ELAVL4: variants seen among roughly 807,000 people sequenced by gnomAD.
ELAVL4 encodes ELAV-like protein 4.
Under a neutral mutation model 35.6 loss-of-function variants are expected in ELAVL4, and 1 was observed. The observed-to-expected ratio is 0.03, with a 90% CI of 0.01 to 0.13. The LOEUF is 0.13. Among genes scored for constraint, ELAVL4 ranks in the 10% least tolerant of loss-of-function variants. The pLI is 1.00. For missense variants in ELAVL4, 267 were observed against 464.9 expected (o/e 0.57, Z 3.91); for synonymous variants, 156 against 171.0 (o/e 0.91, Z 0.69).
chr1:50,157,820 T>C (rs1459491845), intron 2 of ELAVL4, among the ~76,000 whole-genome samples: 2 of 152,194 alleles, frequency 1.3e-5, no homozygotes, highest in Non-Finnish European at 2.9e-5. Context: ...GGTGTCCACA[T>C]GTTGCCCATT....
chr1:50,084,607 C>T (rs575217479), intron 1 of ELAVL4, among the ~76,000 whole-genome samples: 18 of 152,276 alleles, frequency 1.2e-4, no homozygotes, highest in African/African-American at 4.3e-4. Context: ...TTGTATGCCA[C>T]ACTCCAGTCA....
In ELAVL4 at chr1:50,165,470, ACACT is replaced by A. The variant is rs1235780105; in HGVS notation, c.251-11615_251-11612del. ...TATAGATATAGATACACACACACAC[ACACT>A]CACATATATATGTGTGTGTATACAT... On this transcript the variant is annotated intron_variant, in intron 2 of 6. Transcript: ENST00000371824. Among the ~76,000 whole-genome samples, 5 of 150,758 alleles carry A rather than the reference ACACT, an allele frequency of 3.3e-5. No individual in the cohort carries two copies. In the South Asian group the frequency reaches 6.2e-4, roughly 19 times the overall value.
upstream of ELAVL4, chr1:50,106,268 C>T (rs760325006): frequency 5.0e-6 from 8 of 1,590,044 alleles, 1 homozygote; most frequent in South Asian, 5.7e-5. Context: ...AGCTGGCTGC[C>T]GGCGACTGAT....
chr1:50,143,415 G>C (rs952201275), intron 1 of ELAVL4, among the ~76,000 whole-genome samples: 5 of 152,176 alleles, frequency 3.3e-5, no homozygotes, highest in Non-Finnish European at 7.3e-5. Context: ...CTTGTGAGGA[G>C]ACAGTGAGAG....
chr1:50,110,787 G>C (rs1666937482), intron 1 of ELAVL4, among the ~76,000 whole-genome samples: 1 of 152,122 alleles, frequency 6.6e-6, no homozygotes, highest in South Asian at 2.1e-4. Flanking sequence ...ATTCTTAGAG[G>C]ATTGCCTTTG....
At chr1:50,058,791 A>G (rs1663814948) in intron 1 of ELAVL4, among the ~76,000 whole-genome samples, 1 of 151,580 alleles carries the variant, frequency 6.6e-6, no homozygotes, top group Non-Finnish European at 1.5e-5. Context: ...TTTTTTAGAG[A>G]TGAGGTTTCC....
chr1:50,186,839 A>G (rs533963350), intron 3 of ELAVL4, among the ~76,000 whole-genome samples: 1 of 27,442 alleles, frequency 3.6e-5, no homozygotes, highest in Admixed American at 7.6e-4. Flanking sequence ...TTCACCTCTG[A>G]TAAAATAGCA....
chr1:50,104,112 G>A (rs80224884), upstream of ELAVL4: 1,043 of 1,144,004 alleles, frequency 9.1e-4, 12 homozygotes, highest in East Asian at 0.019. Context: ...TTAAAAACCC[G>A]CTTCATCTTA....
intron 2 of ELAVL4, among the ~76,000 whole-genome samples, chr1:50,146,449 T>C (rs551668567): frequency 1.3e-5 from 2 of 152,304 alleles, no homozygotes; most frequent in African/African-American, 4.8e-5. Context: ...GAGGATTAAA[T>C]GAGAGACTAG....
chr1:50,159,694 A>G (rs1270130555), intron 2 of ELAVL4, among the ~76,000 whole-genome samples: 1 of 152,122 alleles, frequency 6.6e-6, no homozygotes, highest in South Asian at 2.1e-4. Context: ...ATGGCATAAT[A>G]TGGAGCATTA....
chr1:50,194,756 C>A (rs141102166), intron 4 of ELAVL4, among the ~76,000 whole-genome samples: 2 of 152,062 alleles, frequency 1.3e-5, no homozygotes, highest in African/African-American at 4.8e-5. Context: ...GTGTGCCATG[C>A]CTGGTGGGAA....
chr1:50,184,829 A>G (rs1437345624), intron 3 of ELAVL4, among the ~76,000 whole-genome samples: 1 of 152,204 alleles, frequency 6.6e-6, no homozygotes, highest in Non-Finnish European at 1.5e-5. Context: ...GAGTCTGACT[A>G]AATGATCCTA....
At chr1:50,168,982 A>G (rs922694053) in intron 2 of ELAVL4, among the ~76,000 whole-genome samples, 3 of 147,282 alleles carry the variant, frequency 2.0e-5, no homozygotes, top group Non-Finnish European at 4.5e-5. Context: ...ACATATATAT[A>G]TGTATATATA....
chr1:50,165,920 G>C (rs1423042846), intron 2 of ELAVL4, among the ~76,000 whole-genome samples: 1 of 151,840 alleles, frequency 6.6e-6, no homozygotes, highest in Non-Finnish European at 1.5e-5. Context: ...GAGGAGCAAG[G>C]AGAGCCAGTT....
chr1:50,194,971 G>A (rs1352216306), intron 4 of ELAVL4, among the ~76,000 whole-genome samples: 1 of 152,176 alleles, frequency 6.6e-6, no homozygotes, highest in Non-Finnish European at 1.5e-5. Flanking sequence ...GGAATTTGGG[G>A]CCAGATTGCC....
chr1:50,134,922 AG>A (rs1293595307), intron 1 of ELAVL4, among the ~76,000 whole-genome samples: 8 of 152,182 alleles, frequency 5.3e-5, no homozygotes, highest in Non-Finnish European at 1.0e-4. Context: ...TAAAATGTAA[AG>A]GAGGCCAGTA....
In ELAVL4 at chr1:50,196,769, C is replaced by A. The variant is rs538523628; in HGVS notation, c.735-660C>A. 5.3e-5 allele frequency among the ~76,000 whole-genome samples: 8 copies of A among 152,302 alleles called. No homozygotes were observed. The East Asian group carries it at 1.5e-3, about 29-fold the overall frequency. On this transcript the variant is annotated intron_variant, in intron 5 of 6. Coordinates refer to ENST00000371824, the MANE Select transcript of ELAVL4 (RefSeq NM_001144774.3). ...GTATTTATGTAAAAAGCCTCTCCAG[C>A]AGACTTCTAATGGTGGAAACTATCG...
chr1:50,065,888 T>C (rs1016304881), intron 1 of ELAVL4, among the ~76,000 whole-genome samples: 6 of 152,156 alleles, frequency 3.9e-5, no homozygotes, highest in Non-Finnish European at 8.8e-5. Context: ...ATCTTCCATG[T>C]GATCTCTTTT....
intron 2 of ELAVL4, among the ~76,000 whole-genome samples, chr1:50,166,967 C>A (rs945273793): frequency 6.6e-6 from 1 of 152,150 alleles, no homozygotes; most frequent in Admixed American, 6.5e-5. Flanking sequence ...TCTAGGCCAG[C>A]AGAACGTGGT....
Sources: gnomAD v4.1 joint callset for allele counts (sites outside exome capture counted in the v4.1 genomes callset) on GRCh38, gnomAD v4.1.1 for gene constraint, MANE v1.5 for transcripts, NCBI Gene and HGNC (gene_info 2026-07-23, HGNC 2026-07-21) for gene names.